Variants in TENM4 observed in about 807,000 individuals in gnomAD.
The protein encoded by TENM4 is teneurin transmembrane protein 4, also known as teneurin-4.
TENM4 carries 82 observed loss-of-function variants against 243.3 expected under a neutral mutation model. The observed-to-expected ratio is 0.34, with a 90% CI of 0.28 to 0.40. The LOEUF is 0.40. Among genes scored for constraint, TENM4 ranks in the 10% least tolerant of loss-of-function variants. TENM4 has a pLI of 1.00. For synonymous variants in TENM4, 1,412 were observed against 1,456.3 expected, an observed-to-expected ratio of 0.97 and a Z score of 0.69; for missense variants, 3,138 against 3,673.3, an observed-to-expected ratio of 0.85 and a Z score of 3.77.
At chr11:79,220,492 A>G in intron 2 of TENM4, among the ~76,000 whole-genome samples, 1 of 152,334 alleles carries the variant, frequency 6.6e-6, no homozygotes, top group East Asian at 1.9e-4. Flanking sequence ...ATAATGGACT[A>G]GAGAGAATAA....
chr11:78,830,665 T>C (rs1857960364), intron 12 of TENM4, among the ~76,000 whole-genome samples: 2 of 152,140 alleles, frequency 1.3e-5, no homozygotes, highest in African/African-American at 4.8e-5. Context: ...TCCGAAGGCT[T>C]GGGGAGAGCA....
Position 78,672,098 on chromosome 11 carries a change from C to T in TENM4, c.5728G>A (p.Ala1910Thr). Residue 1910 changes from alanine (A) to threonine (T), a missense_variant, in exon 31 of 34, where the codon GCG (alanine) becomes ACG (threonine). Physicochemically the swap from Ala to Thr is moderately conservative, Grantham distance 58. Coordinates refer to ENST00000278550, the MANE Select transcript of TENM4 (RefSeq NM_001098816.3). ...IMSERMEYDQ[A>T]GRITSRIFAD... ...AAGATCCTGGATGTGATGCGGCCCG[C>T]CTGGTCGTATTCCATTCTTTCAGAC... The T allele has an allele frequency of 6.2e-7, 1 of 1,614,028 alleles. No homozygotes were observed. The highest frequency in any genetic ancestry group is 8.5e-7 in the Non-Finnish European group (1 of 1,179,900).
At chr11:79,099,191 G>A (rs1861160065) in intron 4 of TENM4, among the ~76,000 whole-genome samples, 1 of 152,028 alleles carries the variant, frequency 6.6e-6, no homozygotes, top group Admixed American at 6.5e-5. Flanking sequence ...TTTGCCTTGG[G>A]CACCACCTGG....
intron 6 of TENM4, among the ~76,000 whole-genome samples, chr11:78,927,119 T>C (rs1856570278): frequency 6.6e-6 from 1 of 152,222 alleles, no homozygotes; most frequent in South Asian, 2.1e-4. Flanking sequence ...CATGGATTAT[T>C]TTGCTGTATG....
chr11:78,862,113 A>G (rs1023882925), intron 10 of TENM4, among the ~76,000 whole-genome samples: 1 of 152,170 alleles, frequency 6.6e-6, no homozygotes, highest in Admixed American at 6.5e-5. Context: ...GGAAATATCC[A>G]TGTCTCATTG....
chr11:78,819,324 T>C (rs978528830), intron 12 of TENM4, among the ~76,000 whole-genome samples: 1 of 152,182 alleles, frequency 6.6e-6, no homozygotes, highest in Admixed American at 6.5e-5. Context: ...TTCTCCTGAG[T>C]CCAGGGTTGA....
chr11:79,249,476 C>T (rs767689854), intron 2 of TENM4, among the ~76,000 whole-genome samples: 2 of 152,282 alleles, frequency 1.3e-5, no homozygotes, highest in Admixed American at 1.3e-4. Flanking sequence ...ATTTATTAGG[C>T]CTCTGCTATG....
chr11:79,139,777 A>AATATATATAATATATAT (rs1231182496), intron 4 of TENM4, among the ~76,000 whole-genome samples: 1 of 26,796 alleles, frequency 3.7e-5, no homozygotes, highest in Admixed American at 6.1e-4. Context: ...ATAAATATAT[A>AATATATATAATATATAT]ATATATATTA....
At chr11:79,061,002 G>C (rs1161832228) in intron 6 of TENM4, among the ~76,000 whole-genome samples, 5 of 152,140 alleles carry the variant, frequency 3.3e-5, no homozygotes, top group Admixed American at 2.6e-4. Context: ...ACTAGAGAAA[G>C]ATGGGAGAAG....
intron 3 of TENM4, among the ~76,000 whole-genome samples, chr11:79,155,124 T>A (rs1862578207): frequency 6.6e-6 from 1 of 151,964 alleles, no homozygotes; most frequent in Admixed American, 6.6e-5. Context: ...GTAGCTTGTC[T>A]CCCCTGAGAC....
intron 14 of TENM4, among the ~76,000 whole-genome samples, chr11:78,808,465 T>C (rs1300183292): frequency 1.3e-5 from 2 of 152,220 alleles, no homozygotes; most frequent in Non-Finnish European, 2.9e-5. Context: ...GGTAGCTACT[T>C]TTATCATGTT....
At chr11:79,156,539 T>C (rs1862620132) in intron 3 of TENM4, among the ~76,000 whole-genome samples, 1 of 152,206 alleles carries the variant, frequency 6.6e-6, no homozygotes, top group African/African-American at 2.4e-5. Flanking sequence ...CATCTTTCCC[T>C]GAGTAACTCC....
chr11:78,987,239 A>G (rs1416898117), intron 6 of TENM4, among the ~76,000 whole-genome samples: 1 of 152,194 alleles, frequency 6.6e-6, no homozygotes, highest in Non-Finnish European at 1.5e-5. Flanking sequence ...AACTTTCCAA[A>G]TGTCTATCAA....
At chr11:78,921,892 C>A (rs1335619949) in intron 6 of TENM4, among the ~76,000 whole-genome samples, 3 of 152,180 alleles carry the variant, frequency 2.0e-5, no homozygotes, top group Non-Finnish European at 1.5e-5. Flanking sequence ...CCTACTATGT[C>A]CAAGATCATG....
chr11:78,937,589 A>G (rs1856812339), intron 6 of TENM4, among the ~76,000 whole-genome samples: 1 of 152,210 alleles, frequency 6.6e-6, no homozygotes, highest in African/African-American at 2.4e-5. Context: ...TAGGTGTTAA[A>G]TAAAATTTAT....
chr11:79,080,711 G>A (rs897839318), intron 4 of TENM4, among the ~76,000 whole-genome samples: 1 of 152,314 alleles, frequency 6.6e-6, no homozygotes, highest in Admixed American at 6.5e-5. Flanking sequence ...GAGTTTCCTT[G>A]TAAGCAGCAC....
At chr11:79,077,546 A>T (rs993120228) in intron 4 of TENM4, among the ~76,000 whole-genome samples, 3 of 152,226 alleles carry the variant, frequency 2.0e-5, no homozygotes, top group African/African-American at 7.2e-5. Flanking sequence ...AAGATGCTGA[A>T]CCTTACTGCA....
At chr11:78,927,583 G>A (rs771751281) in intron 6 of TENM4, among the ~76,000 whole-genome samples, 3 of 152,128 alleles carry the variant, frequency 2.0e-5, no homozygotes, top group African/African-American at 7.2e-5. Context: ...AGGAGGTTTC[G>A]TACCTCCCTT....
At chr11:79,006,722 T>C (rs967295748) in intron 6 of TENM4, among the ~76,000 whole-genome samples, 1 of 152,236 alleles carries the variant, frequency 6.6e-6, no homozygotes, top group Non-Finnish European at 1.5e-5. Flanking sequence ...TTACAAAGAA[T>C]AGAGTTGCAG....
Sources: gnomAD v4.1 joint callset for allele counts (sites outside exome capture counted in the v4.1 genomes callset) on GRCh38, gnomAD v4.1.1 for gene constraint, MANE v1.5 for transcripts, NCBI Gene and HGNC (gene_info 2026-07-23, HGNC 2026-07-21) for gene names.